The following PSMD14 variants were observed in gnomAD, a reference collection of about 807,000 sequenced individuals.
PSMD14 encodes the protein proteasome 26S subunit, non-ATPase 14.
Under a neutral mutation model 41.2 loss-of-function variants are expected in PSMD14, and 7 were observed. The ratio of observed to expected loss-of-function variants is 0.17; its 90% confidence interval spans 0.10 to 0.32. PSMD14 has a LOEUF of 0.32. Among genes scored for constraint, PSMD14 ranks in the 10% least tolerant of loss-of-function variants. The pLI is 1.00. For missense variants in PSMD14, 139 were observed against 375.6 expected (o/e 0.37, Z 5.21); for synonymous variants, 114 against 122.3 (o/e 0.93, Z 0.45).
At chr2:161,341,159 C>G (rs1313522694) in intron 3 of PSMD14, 56 of 1,018,026 alleles carry the variant, frequency 5.5e-5, no homozygotes, top group Non-Finnish European at 6.4e-5. Context: ...AGGGGCGGGA[C>G]GGCGCCGGGG....
chr2:161,393,496 T>C (rs1397974467), intron 9 of PSMD14, among the ~76,000 whole-genome samples: 2 of 152,172 alleles, frequency 1.3e-5, no homozygotes, highest in African/African-American at 2.4e-5. Context: ...AAAAGCCTTA[T>C]AGGTGATTTT....
chr2:161,374,635 T>C (rs919269802), intron 7 of PSMD14, among the ~76,000 whole-genome samples: 5 of 152,030 alleles, frequency 3.3e-5, no homozygotes, highest in African/African-American at 1.2e-4. Context: ...TTGTAAAATA[T>C]ACATATTTAC....
intron 10 of PSMD14, among the ~76,000 whole-genome samples, chr2:161,401,781 T>TATC: frequency 6.6e-6 from 1 of 151,800 alleles, no homozygotes; most frequent in East Asian, 1.9e-4. Flanking sequence ...CATTTGACAT[T>TATC]ATTATTATTA....
intron 7 of PSMD14, among the ~76,000 whole-genome samples, chr2:161,379,093 T>C (rs1683540814): frequency 6.6e-6 from 1 of 152,020 alleles, no homozygotes; most frequent in South Asian, 2.1e-4. Flanking sequence ...AGCCCATCTT[T>C]GTTCTCTAGG....
At chr2:161,310,092 A>G (rs1689071097) in intron 1 of PSMD14, among the ~76,000 whole-genome samples, 1 of 152,192 alleles carries the variant, frequency 6.6e-6, no homozygotes, top group Non-Finnish European at 1.5e-5. Context: ...TGGAGGTTGC[A>G]GTGAGCCAAG....
intron 1 of PSMD14, among the ~76,000 whole-genome samples, chr2:161,311,168 G>A (rs184653502): frequency 1.3e-5 from 2 of 152,226 alleles, no homozygotes; most frequent in East Asian, 3.9e-4. Flanking sequence ...AATTAGCCGG[G>A]CATGGGGGCG....
At chr2:161,389,889 G>GTTTT (rs1162637393) in intron 8 of PSMD14, among the ~76,000 whole-genome samples, 18 of 20,048 alleles carry the variant, frequency 9.0e-4, no homozygotes, top group African/African-American at 2.1e-3. Flanking sequence ...CTTTTTTGTT[G>GTTTT]TTTTTTTTTT....
At chr2:161,319,381 A>G (rs1214398352) in intron 3 of PSMD14, among the ~76,000 whole-genome samples, 1 of 152,116 alleles carries the variant, frequency 6.6e-6, no homozygotes, top group East Asian at 1.9e-4. Context: ...TTCTTTTATA[A>G]TCTTTTTAAA....
chr2:161,318,757 A>G (rs1689172046), intron 2 of PSMD14, 65 bp from the exon 3 acceptor site: 3 of 1,263,276 alleles, frequency 2.4e-6, no homozygotes, highest in South Asian at 1.3e-5. Context: ...GGTGAATTAT[A>G]TAGATAGCAA....
chr2:161,320,210 A>T (rs1332002032), intron 3 of PSMD14, among the ~76,000 whole-genome samples: 1 of 152,356 alleles, frequency 6.6e-6, no homozygotes, highest in Admixed American at 6.5e-5. Context: ...ATAGGTGAAG[A>T]TGTTGCCTTA....
intron 3 of PSMD14, among the ~76,000 whole-genome samples, chr2:161,349,177 C>T (rs1261136357): frequency 6.6e-6 from 1 of 152,246 alleles, no homozygotes; most frequent in Non-Finnish European, 1.5e-5. Context: ...TTTGCATCAA[C>T]ATAGTATCTA....
intron 10 of PSMD14, among the ~76,000 whole-genome samples, chr2:161,400,253 G>A (rs938829918): frequency 1.2e-4 from 18 of 152,156 alleles, no homozygotes; most frequent in African/African-American, 4.1e-4. Flanking sequence ...TCCTTGTGTT[G>A]GCTTTCTTCC....
intron 3 of PSMD14, among the ~76,000 whole-genome samples, chr2:161,343,077 A>T (rs1682990081): frequency 6.6e-6 from 1 of 152,198 alleles, no homozygotes; most frequent in South Asian, 2.1e-4. Flanking sequence ...GATCATACAT[A>T]TGTAACATAA....
chr2:161,372,220 A>G (rs1218729959), intron 7 of PSMD14, among the ~76,000 whole-genome samples: 4 of 152,094 alleles, frequency 2.6e-5, no homozygotes, highest in Non-Finnish European at 4.4e-5. Context: ...GTAGTGTAGA[A>G]TAATTGTTAA....
intron 3 of PSMD14, among the ~76,000 whole-genome samples, chr2:161,366,745 G>T (rs929363957): frequency 1.3e-5 from 2 of 152,162 alleles, no homozygotes; most frequent in African/African-American, 4.8e-5. Context: ...CTATATGTCA[G>T]TTACCTTGTG....
rs1553503770 is a variant in PSMD14 at position 161,327,946 on chromosome 2, C to CTCTGTGTGTG, written c.48+9074_48+9075insCTGTGTGTGT. The stretch of plus-strand genomic sequence containing the variant: ...GGGGAAGCAGGAATTCTCATGTAAG[C>CTCTGTGTGTG]TGTGTGTGTGTGTGTGTGTGTGTGT... On this transcript the variant is annotated intron_variant, in intron 3 of 11. Transcript: ENST00000409682. Among the ~76,000 whole-genome samples, 45 of 117,178 alleles carry CTCTGTGTGTG rather than the reference C, an allele frequency of 3.8e-4. 1 individual carries two copies. The highest frequency in any genetic ancestry group is 6.8e-4 in the Non-Finnish European group (39 of 56,942). The allele number at this position is 117,178 out of a possible 152,430, so 76.9% of individuals were successfully genotyped here.
chr2:161,329,003 T>C (rs1481389841), intron 3 of PSMD14, among the ~76,000 whole-genome samples: 5 of 152,118 alleles, frequency 3.3e-5, no homozygotes, highest in Non-Finnish European at 5.9e-5. Flanking sequence ...TTTTAATGCC[T>C]TACCTAGGTA....
At chr2:161,349,083 G>T (rs1030023193) in intron 3 of PSMD14, among the ~76,000 whole-genome samples, 1 of 152,118 alleles carries the variant, frequency 6.6e-6, no homozygotes, top group Non-Finnish European at 1.5e-5. Context: ...TGCTCAGTCC[G>T]CTGCCGAATT....
At chr2:161,346,640 G>A (rs1683047462) in intron 3 of PSMD14, among the ~76,000 whole-genome samples, 2 of 150,278 alleles carry the variant, frequency 1.3e-5, no homozygotes, top group African/African-American at 4.9e-5. Flanking sequence ...TGAATTACTT[G>A]GAAACTGTTT....
Sources: gnomAD v4.1 joint callset for allele counts (sites outside exome capture counted in the v4.1 genomes callset) on GRCh38, gnomAD v4.1.1 for gene constraint, MANE v1.5 for transcripts, NCBI Gene and HGNC (gene_info 2026-07-23, HGNC 2026-07-21) for gene names.